The following UVRAG variants were observed in gnomAD, a reference collection of about 807,000 sequenced individuals.
The protein encoded by UVRAG is UV radiation resistance associated.
A neutral mutation model predicts 78.0 loss-of-function variants in UVRAG; 19 were observed. The ratio of observed to expected loss-of-function variants is 0.24; its 90% CI spans 0.17 to 0.36. The LOEUF is 0.36. UVRAG is among the 10% of genes least tolerant of loss of function. The pLI, the probability that UVRAG is intolerant of heterozygous loss-of-function variation, is 1.00. For missense variants in UVRAG, 740 were observed against 853.8 expected, an observed-to-expected ratio of 0.87 and a Z score of 1.66; for synonymous variants, 323 against 324.6, an observed-to-expected ratio of 1.00 and a Z score of 0.05.
At chr11:76,052,656 G>A (rs949855584) in intron 12 of UVRAG, among the ~76,000 whole-genome samples, 31 of 152,272 alleles carry the variant, frequency 2.0e-4, no homozygotes, top group Admixed American at 1.3e-3. Flanking sequence ...TGTTGATAGC[G>A]TCCTTCTTAC....
intron 12 of UVRAG, among the ~76,000 whole-genome samples, chr11:76,032,669 A>C (rs1252155790): frequency 6.6e-6 from 1 of 152,192 alleles, no homozygotes. Context: ...GTTGGGTTGC[A>C]GGTAGTCAGC....
rs1197138804 is a variant in UVRAG at position 76,141,669 on chromosome 11, TA to T, written c.*257del. Reference sequence around the variant, plus strand: ...AAATCACCCTCTAGTTGAAAGAGCTTACAGCTCGAGTCACCTTTTAGCTATT... The same window carrying T: ...AAATCACCCTCTAGTTGAAAGAGCTTCAGCTCGAGTCACCTTTTAGCTATT... On this transcript the variant is annotated 3_prime_UTR_variant, in exon 15 of 15. Transcript: ENST00000356136. The T allele has an allele frequency of 2.0e-6, 1 of 499,344 alleles. No homozygotes were observed. Among genetic ancestry groups the T allele is most frequent in the African/African-American group, 1.9e-5 (1 of 52,088 alleles). The allele number at this position is 499,344 out of a possible 1,614,324, so 30.9% of individuals were successfully genotyped here. A position where few individuals can be genotyped will look rare whatever the true frequency, so the allele number is the denominator to read the frequency against.
At position 75,850,455 on chromosome 11, in the gene UVRAG, GGGGTT is replaced by G. The variant is rs1429044285; in HGVS notation, c.118-1423_118-1419del. ...ACTTTAAGCAGTCATGTGTGACTGA[GGGGTT>G]GGGTATGTGGAAGAGCTGGTGGGAA... On this transcript the variant is annotated intron_variant, in intron 1 of 14. Coordinates refer to ENST00000356136, the MANE Select transcript of UVRAG (RefSeq NM_003369.4). 2.6e-5 allele frequency among the ~76,000 whole-genome samples: 4 copies of G among 152,298 alleles called. No homozygotes were observed. The East Asian group carries it at 7.7e-4, about 29-fold the overall frequency.
In UVRAG at chr11:76,066,052, C is replaced by T. The variant is rs118006138; in HGVS notation, c.1305+264C>T. ...TTTTGTATTTTTACTTGCTGGTAGACTATACTTCGATGTGTGGGCTTCATC... is the reference window on the plus strand; with the variant it reads ...TTTTGTATTTTTACTTGCTGGTAGATTATACTTCGATGTGTGGGCTTCATC... On this transcript the variant is annotated intron_variant, in intron 13 of 14. Coordinates refer to ENST00000356136, the MANE Select transcript of UVRAG (RefSeq NM_003369.4). Among the ~76,000 whole-genome samples the T allele has an allele frequency of 8.9e-4, 136 of 152,306 alleles. No individual in the cohort carries two copies. In the Middle Eastern group the frequency reaches 0.014, roughly 15 times the overall value.
chr11:75,855,746 GCTGGTTTCTAAGTTTTTCTTTTATTT>G (rs1946275498), intron 2 of UVRAG, among the ~76,000 whole-genome samples: 1 of 152,142 alleles, frequency 6.6e-6, no homozygotes, highest in African/African-American at 2.4e-5. Flanking sequence ...TATCCGAAAT[GCTGGTTTCTAAGTTTTTCTTTTATTT>G]CAGCTAAATT....
intron 4 of UVRAG, among the ~76,000 whole-genome samples, chr11:75,883,185 C>G (rs1946990354): frequency 6.6e-6 from 1 of 152,060 alleles, no homozygotes; most frequent in African/African-American, 2.4e-5. Context: ...TTGCAGGGCT[C>G]TAGGCCTGAA....
At chr11:76,071,694 A>G (rs542044034) in intron 13 of UVRAG, among the ~76,000 whole-genome samples, 2 of 152,274 alleles carry the variant, frequency 1.3e-5, no homozygotes, top group South Asian at 4.1e-4. Flanking sequence ...ATTAGGGGCA[A>G]TGGTGGTTTG....
intron 12 of UVRAG, among the ~76,000 whole-genome samples, chr11:76,020,079 T>C (rs984706108): frequency 6.6e-6 from 1 of 152,186 alleles, no homozygotes; most frequent in Admixed American, 6.5e-5. Context: ...CCTCTCCTTA[T>C]TATACGCAGA....
intron 7 of UVRAG, among the ~76,000 whole-genome samples, chr11:75,976,844 A>AG (rs1385235419): frequency 1.3e-5 from 2 of 151,868 alleles, no homozygotes; most frequent in African/African-American, 4.8e-5. Flanking sequence ...ATTTTTTTGA[A>AG]GGTTTTTTTG....
At chr11:76,031,178 G>C (rs79458132) in intron 12 of UVRAG, among the ~76,000 whole-genome samples, 1 of 152,204 alleles carries the variant, frequency 6.6e-6, no homozygotes, top group Non-Finnish European at 1.5e-5. Context: ...CCTTGGGACT[G>C]TGGCAAGCTA....
intron 13 of UVRAG, among the ~76,000 whole-genome samples, chr11:76,101,839 TC>T (rs1345311263): frequency 1.6e-4 from 24 of 152,160 alleles, no homozygotes; most frequent in Admixed American, 1.3e-4. Flanking sequence ...GAATAGGGAG[TC>T]CTTTCTCCAT....
chr11:76,003,259 T>A (rs1949856364), intron 8 of UVRAG, among the ~76,000 whole-genome samples: 15 of 4,796 alleles, frequency 3.1e-3, no homozygotes, highest in Non-Finnish European at 6.7e-3. Context: ...AAATACTGAT[T>A]TTTTTTTTTT....
At chr11:76,045,293 A>G (rs1033252499) in intron 12 of UVRAG, among the ~76,000 whole-genome samples, 3 of 152,242 alleles carry the variant, frequency 2.0e-5, no homozygotes, top group African/African-American at 7.2e-5. Flanking sequence ...ACATCTCCAT[A>G]TGAAATTTCC....
At chr11:75,823,633 C>G (rs1405553488) in intron 1 of UVRAG, among the ~76,000 whole-genome samples, 1 of 152,218 alleles carries the variant, frequency 6.6e-6, no homozygotes, top group Non-Finnish European at 1.5e-5. Context: ...CTGCACTGGG[C>G]CGGTAACTTA....
At chr11:75,983,276 G>T (rs1949429353) in intron 7 of UVRAG, 111 bp from the exon 8 acceptor site, 1 of 948,298 alleles carries the variant, frequency 1.1e-6, no homozygotes, top group Non-Finnish European at 1.5e-6. Flanking sequence ...TAAGTTTGAT[G>T]AGTATTAAAA....
At chr11:76,007,913 CT>C (rs1387477321) in intron 10 of UVRAG, among the ~76,000 whole-genome samples, 67 of 145,308 alleles carry the variant, frequency 4.6e-4, no homozygotes, top group South Asian at 1.5e-3. Flanking sequence ...ATTATCACCA[CT>C]TTTTTTTTTT....
chr11:76,021,122 T>C (rs1950239175), intron 12 of UVRAG, among the ~76,000 whole-genome samples: 1 of 152,142 alleles, frequency 6.6e-6, no homozygotes, highest in Non-Finnish European at 1.5e-5. Context: ...GCAATTCAAG[T>C]CTGTCTTTCC....
At chr11:76,115,561 G>A in intron 13 of UVRAG, among the ~76,000 whole-genome samples, 1 of 152,176 alleles carries the variant, frequency 6.6e-6, no homozygotes, top group East Asian at 1.9e-4. Flanking sequence ...TGGAGTTGGT[G>A]TTAGCAAACC....
At position 75,983,531 on chromosome 11, in the gene UVRAG, A is replaced by G. The variant is rs1949435228; in HGVS notation, c.826+18A>G. On this transcript the variant is annotated intron_variant, in intron 8 of 14. Coordinates refer to ENST00000356136, the MANE Select transcript of UVRAG (RefSeq NM_003369.4). ...AGACAAAGGTGAGTGGAAATACCAT[A>G]CAAACAGCCTAACCTCCACATTCAG... 1.3e-6 allele frequency: 2 copies of G among 1,559,642 alleles called. No individual in the cohort carries two copies. The highest frequency in any genetic ancestry group is 1.7e-6 in the Non-Finnish European group (2 of 1,149,408).
Sources: gnomAD v4.1 joint callset for allele counts (sites outside exome capture counted in the v4.1 genomes callset) on GRCh38, gnomAD v4.1.1 for gene constraint, MANE v1.5 for transcripts, NCBI Gene and HGNC (gene_info 2026-07-23, HGNC 2026-07-21) for gene names.